The following CCDC63 variants were observed in gnomAD, a reference collection of about 807,000 sequenced individuals.
CCDC63 encodes coiled-coil domain-containing protein 63.
In CCDC63, 54 loss-of-function variants were observed where a neutral mutation model predicts 63.6. The ratio of observed to expected loss-of-function variants is 0.85; its 90% confidence interval spans 0.68 to 1.07. The LOEUF (loss-of-function observed/expected upper bound fraction) is 1.07, where lower values mean the gene tolerates loss of function less well. Ranked by LOEUF, CCDC63 falls within the 50% of genes least tolerant of loss-of-function variation. The pLI, the probability that CCDC63 is intolerant of heterozygous loss-of-function variation, is 0.00. For synonymous variants in CCDC63, 253 were observed against 266.1 expected (o/e 0.95, Z 0.48); for missense variants, 637 against 689.6 (o/e 0.92, Z 0.86).
chr12:110,860,772 A>G (rs1442839263), intron 4 of CCDC63, among the ~76,000 whole-genome samples: 1 of 152,124 alleles, frequency 6.6e-6, no homozygotes, highest in African/African-American at 2.4e-5. Context: ...TAATTTTAGT[A>G]CAGACGGGGT....
intron 7 of CCDC63, among the ~76,000 whole-genome samples, chr12:110,881,695 C>G (rs1249857686): frequency 6.6e-6 from 1 of 150,914 alleles, no homozygotes; most frequent in Non-Finnish European, 1.5e-5. Context: ...GCACTCCAGC[C>G]TGGGCAACAG....
chr12:110,868,132 T>C (rs1377048189), intron 4 of CCDC63, among the ~76,000 whole-genome samples: 1 of 123,488 alleles, frequency 8.1e-6, no homozygotes, highest in African/African-American at 3.2e-5. Context: ...TTTCAGACGA[T>C]GGGCGGCCGG....
At chr12:110,888,263 T>A (rs906177316) in intron 8 of CCDC63, among the ~76,000 whole-genome samples, 16 of 152,116 alleles carry the variant, frequency 1.1e-4, no homozygotes, top group African/African-American at 3.6e-4. Flanking sequence ...GGACCCTGAA[T>A]TCTCGGGTCC....
intron 4 of CCDC63, among the ~76,000 whole-genome samples, chr12:110,862,815 G>C (rs1382454492): frequency 6.6e-6 from 1 of 151,502 alleles, no homozygotes; most frequent in African/African-American, 2.4e-5. Flanking sequence ...GAGTGCAGTG[G>C]TGTGATCTCA....
At chr12:110,866,616 A>C (rs1290472231) in intron 4 of CCDC63, among the ~76,000 whole-genome samples, 1 of 151,006 alleles carries the variant, frequency 6.6e-6, no homozygotes, top group African/African-American at 2.4e-5. Flanking sequence ...CACATGTTTC[A>C]GGGAGCACAG....
chr12:110,899,051 G>GT lies in CCDC63; in HGVS notation c.1269dup (p.Asp424Ter). On this transcript the variant is annotated frameshift_variant, in exon 10 of 12. Transcript: ENST00000308208. LOFTEE classifies it high-confidence loss of function. ...GAGAAACTGTTCAAGAAGATAAACT[G>GT]TGACGCCACCAAGATCCTGGTGCAG... The GT allele has an allele frequency of 6.2e-7, 1 of 1,613,936 alleles. No individual in the cohort carries two copies. The highest frequency in any genetic ancestry group is 1.1e-5 in the South Asian group (1 of 91,000).
chr12:110,880,776 A>G (rs201761482), intron 6 of CCDC63, among the ~76,000 whole-genome samples: 96 of 952 alleles, frequency 0.1, no homozygotes, highest in Admixed American at 0.16. Context: ...GGTGATAATG[A>G]TGATGGTGGT....
At chr12:110,903,421 C>T (rs990021943) in intron 10 of CCDC63, among the ~76,000 whole-genome samples, 2 of 152,210 alleles carry the variant, frequency 1.3e-5, no homozygotes, top group Admixed American at 6.5e-5. Flanking sequence ...TAATGAACAT[C>T]GGGATGGCCA....
rs757494908 is a variant in CCDC63 at position 110,907,431 on chromosome 12, T to C, written c.1647T>C (p.Pro549=). Residue 549 remains proline (P), a synonymous_variant, in exon 12 of 12, where the codon CCT becomes CCC. Coordinates refer to ENST00000308208, the MANE Select transcript of CCDC63 (RefSeq NM_152591.3). The surrounding 1 kb of genome is among the most constrained non-coding windows in gnomAD (Gnocchi z 4.4). ...AGGAAGTGCGCGGAGACAGCCTGCCTGAGAAGGTGGATGACTTCAGATCCA... is the reference window on the plus strand; with the variant it reads ...AGGAAGTGCGCGGAGACAGCCTGCCCGAGAAGGTGGATGACTTCAGATCCA... The part of the protein sequence containing the change: ...RSKEVRGDSL[P]EKVDDFRSRK... The C allele has an allele frequency of 2.5e-6, 4 of 1,613,992 alleles. No individual in the cohort carries two copies. The highest frequency in any genetic ancestry group is 3.4e-6 in the Non-Finnish European group (4 of 1,179,840).
Position 110,876,243 on chromosome 12 carries a change from C to G in CCDC63, c.489+2282C>G, listed in dbSNP as rs183741737. ...CCCCATAGGTCAGGTCTTTCCCCCC[C>G]ACAATCAGAGGATAGATAGTATGCT... On this transcript the variant is annotated intron_variant, in intron 5 of 11. Transcript: ENST00000308208. Among the ~76,000 whole-genome samples the G allele has an allele frequency of 2.6e-3, 364 of 138,420 alleles. 1 individual carries two copies. The highest frequency in any genetic ancestry group is 9.7e-3 in the African/African-American group (355 of 36,574). 90.8% of individuals were successfully genotyped at this position (138,420 alleles called of 152,430 possible).
chr12:110,847,658 C>A (rs1431320329), intron 1 of CCDC63, among the ~76,000 whole-genome samples: 1 of 150,860 alleles, frequency 6.6e-6, no homozygotes, highest in Non-Finnish European at 1.5e-5. Flanking sequence ...ACAAGAAAAA[C>A]AACAACAACA....
chr12:110,895,380 G>T (rs1301150206), intron 9 of CCDC63, among the ~76,000 whole-genome samples: 11 of 152,246 alleles, frequency 7.2e-5, no homozygotes, highest in Non-Finnish European at 2.9e-5. Context: ...CTCCCAAAGT[G>T]CTGGGATTAT....
At chr12:110,847,416 G>T (rs949750789) in intron 1 of CCDC63, among the ~76,000 whole-genome samples, 3 of 151,862 alleles carry the variant, frequency 2.0e-5, no homozygotes, top group African/African-American at 7.3e-5. Flanking sequence ...TTAGCCGGGC[G>T]TGGTGGTGCC....
intron 9 of CCDC63, among the ~76,000 whole-genome samples, chr12:110,897,853 C>A (rs2071433822): frequency 6.6e-6 from 1 of 151,210 alleles, no homozygotes; most frequent in Admixed American, 6.6e-5. Context: ...CCTGCCTCTT[C>A]CCCAGTAGCT....
intron 4 of CCDC63, among the ~76,000 whole-genome samples, chr12:110,867,023 G>A (rs2070963460): frequency 2.3e-5 from 3 of 128,838 alleles, no homozygotes; most frequent in South Asian, 2.6e-4. Context: ...CCTCCCGGAC[G>A]GGGCGGCTGG....
At chr12:110,867,696 C>G (rs1289507268) in intron 4 of CCDC63, among the ~76,000 whole-genome samples, 1 of 99,646 alleles carries the variant, frequency 1.0e-5, no homozygotes, top group Admixed American at 9.9e-5. Flanking sequence ...GCTGGCCGGG[C>G]GGAGGGCTGA....
intron 1 of CCDC63, among the ~76,000 whole-genome samples, chr12:110,850,773 A>C (rs559270571): frequency 6.6e-6 from 1 of 152,260 alleles, no homozygotes; most frequent in East Asian, 1.9e-4. Context: ...AAAAATAAAG[A>C]GCAGCGTCCA....
rs763464399 is a variant in CCDC63, at chr12:110,898,986, G to A, written c.1203G>A (p.Gly401=). The A allele has an allele frequency of 8.1e-6, 13 of 1,613,204 alleles. No individual in the cohort carries two copies. The highest frequency in any genetic ancestry group is 1.1e-5 in the Non-Finnish European group (13 of 1,179,688). ...CAGATATGTATGAGAGCAAGTACGG[G>A]GAGGTCAGCAAGACCTTGGATCTAT... ...EEADMYESKY[G]EVSKTLDLLK... Residue 401 remains glycine, a synonymous_variant, in exon 10 of 12, where the codon GGG becomes GGA. Transcript: ENST00000308208.
intron 4 of CCDC63, among the ~76,000 whole-genome samples, chr12:110,872,184 C>T (rs969378622): frequency 9.2e-5 from 14 of 152,206 alleles, no homozygotes; most frequent in African/African-American, 2.7e-4. Flanking sequence ...TTGTGGACCA[C>T]GTGGTCTCTG....
Sources: allele counts gnomAD v4.1 joint callset (sites outside exome capture counted in the v4.1 genomes callset), GRCh38; gene constraint gnomAD v4.1.1; non-coding constraint Gnocchi (gnomAD v3.1); transcripts MANE v1.5; gene names NCBI Gene and HGNC (gene_info 2026-07-23, HGNC 2026-07-21).